BBS4: variants seen among roughly 807,000 people sequenced by gnomAD.
The protein encoded by BBS4 is BBSome complex member BBS4.
A neutral mutation model predicts 71.4 loss-of-function variants in BBS4; 58 were observed. The ratio of observed to expected loss-of-function variants is 0.81; its 90% CI spans 0.66 to 1.01. The LOEUF (loss-of-function observed/expected upper bound fraction) is 1.01. Ranked by LOEUF, BBS4 falls within the 50% of genes least tolerant of loss-of-function variation. BBS4 has a pLI of 0.00. For synonymous variants in BBS4, 228 were observed against 216.8 expected (o/e 1.05, Z -0.46); for missense variants, 660 against 607.9 (o/e 1.09, Z -0.90).
chr15:72,710,873 C>T (rs138917744), intron 3 of BBS4, among the ~76,000 whole-genome samples: 1,776 of 151,982 alleles, frequency 0.012, 20 homozygotes, highest in Non-Finnish European at 0.017. Context: ...TCACTGCAAC[C>T]CCCGCTTTCC....
At chr15:72,690,632 A>G (rs76424673) in intron 1 of BBS4, among the ~76,000 whole-genome samples, 3,979 of 152,272 alleles carry the variant, frequency 0.026, 104 homozygotes, top group Admixed American at 0.075. Flanking sequence ...TTTAAGTACA[A>G]AGTTTGATCA....
chr15:72,710,961 T>TC (rs2065359312), intron 3 of BBS4, among the ~76,000 whole-genome samples: 1 of 150,888 alleles, frequency 6.6e-6, no homozygotes, highest in East Asian at 1.9e-4. Flanking sequence ...CAGCTAATTT[T>TC]TTTTTTTTTT....
chr15:72,736,430 C>A (rs572078142), intron 14 of BBS4, among the ~76,000 whole-genome samples: 2 of 151,998 alleles, frequency 1.3e-5, no homozygotes, highest in African/African-American at 4.8e-5. Flanking sequence ...TTAGTAGAGA[C>A]GGGGTTTCAC....
At chr15:72,718,508 G>A (rs1240705796) in intron 6 of BBS4, among the ~76,000 whole-genome samples, 2 of 152,196 alleles carry the variant, frequency 1.3e-5, no homozygotes, top group East Asian at 3.8e-4. Context: ...TTCCTTTGCA[G>A]TTCTTACGGG....
In BBS4 at chr15:72,735,952, G is replaced by C; in HGVS notation, c.1234G>C (p.Glu412Gln). 6.2e-7 allele frequency: 1 copy of C among 1,614,052 alleles called. No homozygotes were observed. Among genetic ancestry groups the C allele is most frequent in the Non-Finnish European group, 8.5e-7 (1 of 1,180,024 alleles). The change falls in exon 14 of 16, where the codon GAA becomes CAA. Residue 412 changes from glutamate (E) to glutamine (Q), a missense_variant. By Grantham distance (29) the Glu-to-Gln change is conservative. Transcript: ENST00000268057. ...CCTACTCAAGGACAATAGCTCTCTGGAATTTGACTCTGAGGTATGTCTTTT... is the reference window on the plus strand; with the variant it reads ...CCTACTCAAGGACAATAGCTCTCTGCAATTTGACTCTGAGGTATGTCTTTT... ...VSLLKDNSSLEFDSEMVEMAQ... is the reference protein window; with the variant it reads ...VSLLKDNSSLQFDSEMVEMAQ...
At position 72,712,319 on chromosome 15, in the gene BBS4, A is replaced by G. The variant is rs770423092; in HGVS notation, c.220+12A>G. The G allele has an allele frequency of 6.2e-7, 1 of 1,610,304 alleles. No individual in the cohort carries two copies. The highest frequency in any genetic ancestry group is 8.5e-7 in the Non-Finnish European group (1 of 1,176,528). ...TATCTATGTCCAAGGTAAGACACAT[A>G]CTTCTTGTCTTCTTGCTAGAGAAAT... On this transcript the variant is annotated intron_variant, in intron 4 of 15. Transcript: ENST00000268057.
At chr15:72,708,168 A>G (rs1437531875) in intron 2 of BBS4, among the ~76,000 whole-genome samples, 2 of 152,048 alleles carry the variant, frequency 1.3e-5, no homozygotes, top group East Asian at 1.9e-4. Flanking sequence ...GGGTTTCACC[A>G]TGTTTGCTAG....
chr15:72,689,726 C>CAAAAACA (rs1402289492), intron 1 of BBS4, among the ~76,000 whole-genome samples: 2 of 151,392 alleles, frequency 1.3e-5, no homozygotes, highest in African/African-American at 4.8e-5. Context: ...CTGAAAAAAA[C>CAAAAACA]AAAAAATGAA....
chr15:72,688,330 C>A (rs920222238), intron 1 of BBS4, among the ~76,000 whole-genome samples: 66 of 149,022 alleles, frequency 4.4e-4, no homozygotes, highest in African/African-American at 1.6e-3. Flanking sequence ...AGTAGTGTTA[C>A]GTTTATAGTA....
At chr15:72,697,102 T>A (rs895765665) in intron 2 of BBS4, among the ~76,000 whole-genome samples, 3 of 152,038 alleles carry the variant, frequency 2.0e-5, no homozygotes, top group African/African-American at 7.2e-5. Flanking sequence ...CTGGCTAATT[T>A]TTTTATTTTT....
chr15:72,698,988 C>G (rs1293743296), intron 2 of BBS4, among the ~76,000 whole-genome samples: 2 of 152,198 alleles, frequency 1.3e-5, no homozygotes, highest in African/African-American at 4.8e-5. Flanking sequence ...TACCAAATCT[C>G]ACTATTTCTA....
intron 2 of BBS4, among the ~76,000 whole-genome samples, chr15:72,708,405 T>A (rs1304514626): frequency 6.6e-6 from 1 of 152,216 alleles, no homozygotes; most frequent in African/African-American, 2.4e-5. Flanking sequence ...CCAAATAATA[T>A]TCTTATAATT....
At chr15:72,686,472 C>T (rs2064840382) in intron 1 of BBS4, 1 of 1,530,056 alleles carries the variant, frequency 6.5e-7, no homozygotes, top group Non-Finnish European at 8.7e-7. Context: ...GACTGTAGTC[C>T]CTCTTGGGGT....
At position 72,736,781 on chromosome 15, in the gene BBS4, A is replaced by G; in HGVS notation, c.1268A>G (p.Lys423Arg). Residue 423 changes from lysine to arginine, a missense_variant, in exon 15 of 16, where the codon AAG (lysine) becomes AGG (arginine). Lys to Arg is a conservative substitution (Grantham distance 26). Transcript: ENST00000268057. ...CACAAGATGGTGGAGATGGCTCAGA[A>G]GTTGGGAGCTGCTCTCCAGGTTGGG... ...FDSEMVEMAQ[K>R]LGAALQVGEA... 1 of 1,614,220 alleles carries G rather than the reference A, an allele frequency of 6.2e-7. No individual in the cohort carries two copies. The highest frequency in any genetic ancestry group is 8.5e-7 in the Non-Finnish European group (1 of 1,180,018).
chr15:72,688,268 T>G (rs1235381155), intron 1 of BBS4, among the ~76,000 whole-genome samples: 1 of 152,060 alleles, frequency 6.6e-6, no homozygotes, highest in Non-Finnish European at 1.5e-5. Flanking sequence ...TCGATATGAC[T>G]TAGCAATTAA....
intron 9 of BBS4, 65 bp from the exon 10 acceptor site, chr15:72,729,551 G>C: frequency 5.3e-6 from 8 of 1,509,356 alleles, no homozygotes; most frequent in Non-Finnish European, 7.4e-6. Context: ...CGCCTGGTCT[G>C]GCCAGACTCT....
At position 72,731,588 on chromosome 15, in the gene BBS4, G is replaced by A; in HGVS notation, c.898G>A (p.Ala300Thr). Reference protein sequence around the residue: ...ISCLKRANYLAPFDWKILYNL... With the variant: ...ISCLKRANYLTPFDWKILYNL... ...CTGCCTGAAACGAGCCAACTACTTG[G>A]CACCCTTTGATTGGAAGATTCTGTA... The change falls in exon 12 of 16, where the codon GCA (alanine) becomes ACA (threonine). Residue 300 changes from alanine to threonine, a missense_variant. Physicochemically the swap from Ala to Thr is moderately conservative, Grantham distance 58. Coordinates refer to ENST00000268057, the MANE Select transcript of BBS4 (RefSeq NM_033028.5). The A allele has an allele frequency of 6.2e-7, 1 of 1,614,140 alleles. No individual in the cohort carries two copies. The highest frequency in any genetic ancestry group is 8.5e-7 in the Non-Finnish European group (1 of 1,180,042).
At chr15:72,722,695 C>A in intron 6 of BBS4, 99 bp from the exon 7 acceptor site, 1 of 1,104,232 alleles carries the variant, frequency 9.1e-7, no homozygotes, top group Non-Finnish European at 1.4e-6. Flanking sequence ...AAGTTTAAAC[C>A]TTGCCGAGCA....
In BBS4 at chr15:72,738,350, C is replaced by T. The variant is rs1298368737; in HGVS notation, c.*763C>T. ...GAAGATAGTCAGTGATAACCACTGACCAGATGCTATCAATACACTATGTGT... is the reference window on the plus strand; with the variant it reads ...GAAGATAGTCAGTGATAACCACTGATCAGATGCTATCAATACACTATGTGT... On this transcript the variant is annotated 3_prime_UTR_variant, in exon 16 of 16. Coordinates refer to ENST00000268057, the MANE Select transcript of BBS4 (RefSeq NM_033028.5). 2.2e-6 allele frequency: 1 copy of T among 453,162 alleles called. No individual in the cohort carries two copies. Among genetic ancestry groups the T allele is most frequent in the Non-Finnish European group, 4.4e-6 (1 of 226,526 alleles). 28.1% of individuals were successfully genotyped at this position (453,162 alleles called of 1,614,324 possible).
Sources: allele counts gnomAD v4.1 joint callset (sites outside exome capture counted in the v4.1 genomes callset), GRCh38; gene constraint gnomAD v4.1.1; transcripts MANE v1.5; gene names NCBI Gene and HGNC (gene_info 2026-07-23, HGNC 2026-07-21).